Variants in MYH3 observed in about 807,000 individuals in gnomAD.
The protein encoded by MYH3 is myosin heavy chain 3.
MYH3 carries 130 observed loss-of-function variants against 238.0 expected under a neutral mutation model. That is an observed-to-expected ratio of 0.55 (90% CI 0.47 to 0.63). The LOEUF (loss-of-function observed/expected upper bound fraction) is 0.63. MYH3 is among the 30% of genes least tolerant of loss of function. The pLI is 0.00. For synonymous variants in MYH3, 880 were observed against 924.1 expected (o/e 0.95, Z 0.86); for missense variants, 1,853 against 2,374.9 (o/e 0.78, Z 4.57).
Position 10,632,484 on chromosome 17 carries a change from G to A in MYH3, c.4948C>T (p.Gln1650Ter), listed in dbSNP as rs1475043587. 3 of 1,613,520 alleles carry A rather than the reference G, an allele frequency of 1.9e-6. No homozygotes were observed. Among genetic ancestry groups the A allele is most frequent in the Non-Finnish European group, 2.5e-6 (3 of 1,180,038 alleles). Residue 1650 changes from glutamine to a stop codon, truncating the protein, a stop_gained, in exon 34 of 41, where the codon CAG becomes TAG. Transcript: ENST00000583535. LOFTEE classifies it high-confidence loss of function. ...TLKHLRSVQG[Q>*]LKDTQLHLDD... ...GATGGGTTCTCTCAAACCTTCAGCT[G>A]TCCCTGGACACTCCTGAGGTGTTTG... is the stretch of plus-strand genomic sequence containing the variant.
chr17:10,629,806 G>A (rs375046787), intron 39 of MYH3, 36 bp downstream of exon 39: 9 of 1,613,822 alleles, frequency 5.6e-6, no homozygotes, highest in South Asian at 1.1e-5. Context: ...GAAACAGCAC[G>A]GTCTGCCTGC....
chr17:10,668,961 T>C, the MYH3 span, among the ~76,000 whole-genome samples: 1 of 152,224 alleles, frequency 6.6e-6, no homozygotes, highest in African/African-American at 2.4e-5. Flanking sequence ...ACTGTGTATA[T>C]TACAAATATT....
the MYH3 span, among the ~76,000 whole-genome samples, chr17:10,667,232 A>G: frequency 6.6e-6 from 1 of 152,214 alleles, no homozygotes; most frequent in Non-Finnish European, 1.5e-5. Flanking sequence ...ACGGTAAGAG[A>G]TATTTTCACA....
At chr17:10,629,992 G>A (rs1459447791) in intron 38 of MYH3, 55 bp from the exon 39 acceptor site, 9 of 1,605,322 alleles carry the variant, frequency 5.6e-6, no homozygotes, top group African/African-American at 4.0e-5. Context: ...ATTTGCACAC[G>A]GCATGGGCAG....
At chr17:10,662,033 T>G (rs1223128300), upstream of MYH3, among the ~76,000 whole-genome samples, 5 of 151,934 alleles carry the variant, frequency 3.3e-5, no homozygotes, top group Non-Finnish European at 7.4e-5. Flanking sequence ...TCTTTCTTTT[T>G]TTTTTTTAGA....
the MYH3 span, among the ~76,000 whole-genome samples, chr17:10,662,314 G>A: frequency 2.4e-4 from 36 of 152,230 alleles, no homozygotes; most frequent in African/African-American, 8.2e-4. Flanking sequence ...GAGCCACTGC[G>A]TCTGGTCCCC....
chr17:10,640,042 AC>A lies in MYH3; in HGVS notation c.2635del (p.Val879Ter). The stretch of plus-strand genomic sequence containing the variant: ...GTCATTCTTCTCTTGGACCAGAGTC[AC>A]CAGTTTTTCCTCTAGCTCCTTCCTT... ...AKRKELEEKL[V>X]TLVQEKNDLQ... On this transcript the variant is annotated frameshift_variant, in exon 22 of 41. Coordinates refer to ENST00000583535, the MANE Select transcript of MYH3 (RefSeq NM_002470.4). LOFTEE classifies it high-confidence loss of function. 1 of 1,613,198 alleles carries A rather than the reference AC, an allele frequency of 6.2e-7. No homozygotes were observed. The highest frequency in any genetic ancestry group is 8.5e-7 in the Non-Finnish European group (1 of 1,179,962).
the MYH3 span, chr17:10,677,712 T>C: frequency 6.6e-6 from 1 of 152,254 alleles, no homozygotes; most frequent in African/African-American, 2.4e-5. Context: ...AGGATTCTTA[T>C]ACTTTTCAAA....
the MYH3 span, among the ~76,000 whole-genome samples, chr17:10,670,307 A>G: frequency 6.6e-6 from 1 of 152,184 alleles, no homozygotes; most frequent in South Asian, 2.1e-4. The surrounding 1 kb of genome is among the most constrained non-coding windows in gnomAD (Gnocchi z 7.0). Flanking sequence ...AGCACCCAAC[A>G]TTTGAGCCTG....
chr17:10,634,281 C>G lies in MYH3; in HGVS notation c.4357-99G>C. On this transcript the variant is annotated intron_variant, in intron 31 of 40. Transcript: ENST00000583535. ...AATTAAATGCAGAGTTAGGGCTACA[C>G]TTGGCATCACTTGCCTGGCTCCTTG... is the stretch of plus-strand genomic sequence containing the variant. The G allele has an allele frequency of 2.9e-6, 4 of 1,370,236 alleles. No homozygotes were observed. The South Asian group carries it at 4.7e-5, about 16-fold the overall frequency. The allele number at this position is 1,370,236 out of a possible 1,614,324, so 84.9% of individuals were successfully genotyped here. A position where few individuals can be genotyped will look rare whatever the true frequency, so the allele number is the denominator to read the frequency against.
intron 17 of MYH3, among the ~76,000 whole-genome samples, chr17:10,641,665 C>T (rs546353409): frequency 1.3e-5 from 2 of 152,068 alleles, no homozygotes; most frequent in African/African-American, 4.8e-5. Context: ...CAGGCATATG[C>T]CACCACACCT....
At chr17:10,663,748 AAACT>A in the MYH3 span, among the ~76,000 whole-genome samples, 31,517 of 151,798 alleles carry the variant, frequency 0.21, 3,451 homozygotes, top group Non-Finnish European at 0.25. Flanking sequence ...CCTATTCCAA[AAACT>A]AACTAACACT....
the MYH3 span, among the ~76,000 whole-genome samples, chr17:10,665,206 G>A: frequency 6.6e-6 from 1 of 151,954 alleles, no homozygotes; most frequent in African/African-American, 2.4e-5. Flanking sequence ...GCAGTGGCAC[G>A]ATCTTGGCTC....
chr17:10,642,472 CT>C lies in MYH3; in HGVS notation c.1832del (p.Gln611ArgfsTer46). The C allele has an allele frequency of 6.2e-7, 1 of 1,614,242 alleles. No homozygotes were observed. The highest frequency in any genetic ancestry group is 1.1e-5 in the South Asian group (1 of 91,088). On this transcript the variant is annotated frameshift_variant, in exon 16 of 41. Coordinates refer to ENST00000583535, the MANE Select transcript of MYH3 (RefSeq NM_002470.4). LOFTEE classifies it high-confidence loss of function. This position sits in a 1 kb window ranked among gnomAD's most constrained non-coding sequence, Gnocchi z 5.4. Reference protein sequence around the residue: ...PLNETVVGLYQKSSNRLLAHL... With the variant: ...PLNETVVGLYXKSSNRLLAHL... ...GTGCCAGGAGCCTGTTGGAAGACTTCTGGTACAGCCCAACCACAGTCTCGTT... is the reference window on the plus strand; with the variant it reads ...GTGCCAGGAGCCTGTTGGAAGACTTCGGTACAGCCCAACCACAGTCTCGTT...
Position 10,632,802 on chromosome 17 carries a change from A to C in MYH3, c.4648-18T>G. On this transcript the variant is annotated intron_variant, in intron 33 of 40. Coordinates refer to ENST00000583535, the MANE Select transcript of MYH3 (RefSeq NM_002470.4). ...AGAGCAGCCTTTAAGAAACAAAAGCAAATCAAATAGTGTCTGTGATGGTAT... is the reference window on the plus strand; with the variant it reads ...AGAGCAGCCTTTAAGAAACAAAAGCCAATCAAATAGTGTCTGTGATGGTAT... 1.9e-6 allele frequency: 3 copies of C among 1,613,958 alleles called. No homozygotes were observed. The highest frequency in any genetic ancestry group is 2.5e-6 in the Non-Finnish European group (3 of 1,179,778).
the MYH3 span, chr17:10,677,896 A>ACCTGAGGT: frequency 6.6e-6 from 1 of 152,208 alleles, no homozygotes; most frequent in African/African-American, 2.4e-5. Flanking sequence ...GCGGCGGATC[A>ACCTGAGGT]CCTGAGGTCG....
rs201706456 is a variant in MYH3, at chr17:10,632,649, C to T, written c.4783G>A (p.Val1595Met). 9.3e-6 allele frequency: 15 copies of T among 1,614,210 alleles called. No homozygotes were observed. The East Asian group carries it at 3.3e-4, about 36-fold the overall frequency. Residue 1595 changes from valine to methionine, a missense_variant, in exon 34 of 41, where the codon GTG becomes ATG. This residue lies in a region of MYH3 where 1,044 missense variants were observed against 1,192.6 expected (regional missense o/e 0.88). Transcript: ENST00000583535. The stretch of plus-strand genomic sequence containing the variant: ...TCCAGGGCGCTCTGCATGGTTTCCA[C>T]TGTTCTCTGGTAGTTCCTCTTCAGC... ...EQLKRNYQRT[V>M]ETMQSALDAE... is the part of the protein sequence containing the mutation.
the MYH3 span, among the ~76,000 whole-genome samples, chr17:10,662,633 A>G: frequency 1.1e-4 from 17 of 152,256 alleles, no homozygotes; most frequent in African/African-American, 4.1e-4. Flanking sequence ...TCGCATGTAA[A>G]TTTTTCCAGT....
chr17:10,671,080 G>C, the MYH3 span, among the ~76,000 whole-genome samples: 7 of 152,172 alleles, frequency 4.6e-5, no homozygotes, highest in African/African-American at 7.2e-5. Context: ...TTTTAGTAGA[G>C]ACGGAGTTTC....
Sources: gnomAD v4.1 joint callset for allele counts (sites outside exome capture counted in the v4.1 genomes callset) on GRCh38, gnomAD v4.1.1 for gene constraint, gnomAD v4.1.1 regional missense constraint, Gnocchi (gnomAD v3.1) non-coding constraint, MANE v1.5 for transcripts, NCBI Gene and HGNC (gene_info 2026-07-23, HGNC 2026-07-21) for gene names.